Variants in MBOAT2 observed in about 807,000 individuals in gnomAD.
The protein encoded by MBOAT2 is membrane-bound glycerophospholipid O-acyltransferase 2.
In MBOAT2, 28 loss-of-function variants were observed where a neutral mutation model predicts 63.4. The observed-to-expected ratio is 0.44, with a 90% CI of 0.33 to 0.61. The LOEUF is 0.61. MBOAT2 is among the 20% of genes least tolerant of loss of function. The pLI, the probability that MBOAT2 is intolerant of heterozygous loss-of-function variation, is 0.03. For synonymous variants in MBOAT2, 211 were observed against 215.6 expected, an observed-to-expected ratio of 0.98 and a Z score of 0.19; for missense variants, 470 against 605.8, an observed-to-expected ratio of 0.78 and a Z score of 2.35.
chr2:8,936,828 A>AAAG, intron 3 of MBOAT2, among the ~76,000 whole-genome samples: 1 of 147,666 alleles, frequency 6.8e-6, no homozygotes, highest in Admixed American at 6.7e-5. Flanking sequence ...AAAAGAAAAA[A>AAAG]AAAGAAAGAA....
chr2:8,859,201 A>G (rs1252998619), intron 12 of MBOAT2, among the ~76,000 whole-genome samples: 1 of 152,230 alleles, frequency 6.6e-6, no homozygotes, highest in Non-Finnish European at 1.5e-5. Context: ...AAATGTACAT[A>G]TTAATACCGG....
chr2:8,949,093 G>A (rs1668631063), intron 2 of MBOAT2, among the ~76,000 whole-genome samples: 1 of 152,092 alleles, frequency 6.6e-6, no homozygotes, highest in Admixed American at 6.5e-5. Context: ...TTAGTAATGT[G>A]CAGTAATTTT....
chr2:8,873,584 C>T (rs1366778313), intron 7 of MBOAT2, among the ~76,000 whole-genome samples: 1 of 151,990 alleles, frequency 6.6e-6, no homozygotes, highest in South Asian at 2.1e-4. Flanking sequence ...AATCTAAAAG[C>T]AAGCATAAGT....
chr2:8,973,080 T>C (rs1471205153), intron 1 of MBOAT2, among the ~76,000 whole-genome samples: 2 of 152,208 alleles, frequency 1.3e-5, no homozygotes, highest in African/African-American at 2.4e-5. Context: ...ATATTTTTAC[T>C]GTGGCACTAT....
intron 1 of MBOAT2, among the ~76,000 whole-genome samples, chr2:8,986,124 T>C (rs183796695): frequency 6.9e-6 from 1 of 144,426 alleles, no homozygotes. Context: ...AAGCACAGAC[T>C]CATGAGAAAA....
At chr2:8,900,782 C>T (rs191556712) in intron 4 of MBOAT2, among the ~76,000 whole-genome samples, 57 of 152,226 alleles carry the variant, frequency 3.7e-4, no homozygotes, top group Non-Finnish European at 7.5e-4. Flanking sequence ...AGGTATTTCA[C>T]TCCATTTGCC....
intron 4 of MBOAT2, among the ~76,000 whole-genome samples, chr2:8,904,274 C>T (rs1224515062): frequency 6.6e-6 from 1 of 151,754 alleles, no homozygotes; most frequent in Admixed American, 6.6e-5. Flanking sequence ...ATGCCCAGCC[C>T]CATTCGTATC....
chr2:8,996,540 G>A (rs556858298), intron 1 of MBOAT2, among the ~76,000 whole-genome samples: 1 of 152,264 alleles, frequency 6.6e-6, no homozygotes, highest in South Asian at 2.1e-4. Flanking sequence ...CGAGAGGCAG[G>A]GGCATGCTCT....
chr2:8,935,443 C>T (rs1212161605), intron 3 of MBOAT2, among the ~76,000 whole-genome samples: 1 of 152,208 alleles, frequency 6.6e-6, no homozygotes, highest in East Asian at 1.9e-4. Flanking sequence ...GGAGTTCACA[C>T]TCTGGGGAGA....
chr2:8,984,902 C>G (rs1465379569), intron 1 of MBOAT2, among the ~76,000 whole-genome samples: 1 of 152,026 alleles, frequency 6.6e-6, no homozygotes, highest in Admixed American at 6.6e-5. Flanking sequence ...CCAGTCGCCC[C>G]CAATGGTCTG....
chr2:8,919,640 T>C (rs1462051051), intron 3 of MBOAT2, among the ~76,000 whole-genome samples: 1 of 152,198 alleles, frequency 6.6e-6, no homozygotes, highest in Non-Finnish European at 1.5e-5. Context: ...GACACATGTT[T>C]TGCAAGTATT....
rs143462200 is a variant in MBOAT2, at chr2:8,896,003, C to T, written c.396-7930G>A. 2.2e-3 allele frequency among the ~76,000 whole-genome samples: 338 copies of T among 152,040 alleles called. 9 individuals carry two copies. In the East Asian group the frequency reaches 0.056, roughly 25 times the overall value. On this transcript the variant is annotated intron_variant, in intron 4 of 12. Coordinates refer to ENST00000305997, the MANE Select transcript of MBOAT2 (RefSeq NM_138799.4). ...CTGTAATCCCAGCACTTTGGGAGGC[C>T]GAGGCGGGCGGATCACGAGGTCAGA...
intron 2 of MBOAT2, among the ~76,000 whole-genome samples, chr2:8,954,444 C>T (rs973121419): frequency 5.9e-5 from 9 of 152,102 alleles, no homozygotes; most frequent in African/African-American, 2.2e-4. Context: ...GGTTGGCCTA[C>T]AGATCCCCCA....
chr2:8,964,171 C>A (rs1325160687), intron 1 of MBOAT2, among the ~76,000 whole-genome samples: 1 of 152,220 alleles, frequency 6.6e-6, no homozygotes, highest in Non-Finnish European at 1.5e-5. Flanking sequence ...CCTTCCACCC[C>A]TCCCACAAAG....
intron 1 of MBOAT2, among the ~76,000 whole-genome samples, chr2:8,963,414 C>T (rs1669759855): frequency 6.6e-6 from 1 of 152,166 alleles, no homozygotes; most frequent in South Asian, 2.1e-4. Flanking sequence ...AGTGATTCTC[C>T]TGCCTCAGCC....
intron 1 of MBOAT2, among the ~76,000 whole-genome samples, chr2:8,966,336 G>T (rs73912903): frequency 0.018 from 2,729 of 152,270 alleles, 54 homozygotes; most frequent in African/African-American, 0.054. Flanking sequence ...ACCAGACTAA[G>T]AAGACATAGT....
intron 1 of MBOAT2, among the ~76,000 whole-genome samples, chr2:8,996,478 C>A (rs566201116): frequency 4.6e-5 from 7 of 152,298 alleles, no homozygotes; most frequent in Admixed American, 3.3e-4. Context: ...CCCCAAAGCA[C>A]CAACTTGTCC....
intron 4 of MBOAT2, among the ~76,000 whole-genome samples, chr2:8,892,799 C>A (rs890757522): frequency 1.3e-5 from 2 of 151,944 alleles, no homozygotes; most frequent in Non-Finnish European, 2.9e-5. Context: ...AAAGTAAGTT[C>A]AACAGCCCCA....
chr2:8,902,965 A>G (rs973642246), intron 4 of MBOAT2, among the ~76,000 whole-genome samples: 1 of 152,086 alleles, frequency 6.6e-6, no homozygotes, highest in Non-Finnish European at 1.5e-5. Flanking sequence ...TGACTGGTCC[A>G]TTTTACAGAG....
Sources: allele counts gnomAD v4.1 joint callset (sites outside exome capture counted in the v4.1 genomes callset), GRCh38; gene constraint gnomAD v4.1.1; transcripts MANE v1.5; gene names NCBI Gene and HGNC (gene_info 2026-07-23, HGNC 2026-07-21).